Variants in RBM28 observed in about 807,000 individuals in gnomAD.
The protein encoded by RBM28 is RNA-binding protein 28.
RBM28 carries 78 observed loss-of-function variants against 98.3 expected under a neutral mutation model. The ratio of observed to expected loss-of-function variants is 0.79; its 90% CI spans 0.66 to 0.96. The LOEUF is 0.96. RBM28 is among the 40% of genes least tolerant of loss of function. RBM28 has a pLI of 0.00. For missense variants in RBM28, 838 were observed against 913.0 expected, an observed-to-expected ratio of 0.92 and a Z score of 1.06; for synonymous variants, 306 against 330.9, an observed-to-expected ratio of 0.92 and a Z score of 0.82.
chr7:128,328,625 G>A (rs1264268547), intron 10 of RBM28, among the ~76,000 whole-genome samples: 1 of 152,134 alleles, frequency 6.6e-6, no homozygotes, highest in Non-Finnish European at 1.5e-5. Flanking sequence ...CATTCTAAAA[G>A]TATTAACCCA....
rs1250624717 is a variant in RBM28 at position 128,302,764 on chromosome 7, A to G, written c.*8033T>C. 6.6e-6 allele frequency: 1 copy of G among 152,104 alleles called. No homozygotes were observed. Among genetic ancestry groups the G allele is most frequent in the Non-Finnish European group, 1.5e-5 (1 of 68,010 alleles). 9.4% of individuals were successfully genotyped at this position (152,104 alleles called of 1,614,324 possible). The stretch of plus-strand genomic sequence containing the variant: ...AAGAAGCTGGTCAAGTAAAGGGTTT[A>G]ATCCTTTTTTATTTTTATTATTTTT... On this transcript the variant is annotated 3_prime_UTR_variant, in exon 19 of 19. Transcript: ENST00000223073.
intron 18 of RBM28, 22 bp downstream of exon 18, chr7:128,313,153 C>T: frequency 6.2e-7 from 1 of 1,600,992 alleles, no homozygotes. Context: ...CATACCAAAG[C>T]TGTATGTCCT....
intron 15 of RBM28, 55 bp downstream of exon 15, chr7:128,317,902 T>C: frequency 6.2e-7 from 1 of 1,601,792 alleles, no homozygotes; most frequent in Non-Finnish European, 8.6e-7. Flanking sequence ...AGGAGAAGGC[T>C]GGTTTCCTGC....
At chr7:128,333,242 G>C in intron 9 of RBM28, 48 bp downstream of exon 9, 1 of 1,408,092 alleles carries the variant, frequency 7.1e-7, no homozygotes, top group Non-Finnish European at 1.0e-6. Flanking sequence ...AAGGAAGAGA[G>C]ATCTATGAAG....
At position 128,300,555 on chromosome 7, in the gene RBM28, A is replaced by G. The variant is rs1468080717; in HGVS notation, c.*10242T>C. 6.6e-6 allele frequency: 1 copy of G among 152,242 alleles called. No individual in the cohort carries two copies. Among genetic ancestry groups the G allele is most frequent in the Non-Finnish European group, 1.5e-5 (1 of 68,060 alleles). The allele number at this position is 152,242 out of a possible 1,614,324, so 9.4% of individuals were successfully genotyped here. On this transcript the variant is annotated 3_prime_UTR_variant, in exon 19 of 19. Transcript: ENST00000223073. ...CTGATCCTTCAATGAGCATGCTAAC[A>G]TCATCCAACCCCTGACCTTGTGGTG...
rs1439006643 is a variant in RBM28 at position 128,330,767 on chromosome 7, C to T, written c.1129+52G>A. On this transcript the variant is annotated intron_variant, in intron 10 of 18. Coordinates refer to ENST00000223073, the MANE Select transcript of RBM28 (RefSeq NM_018077.3). ...TATGCTCTCGTAACCTAGTCAGTGC[C>T]CACGGCAGTGGTCTCAACCCTTTTA... 3 of 1,267,020 alleles carry T rather than the reference C, an allele frequency of 2.4e-6. 1 individual carries two copies. In the South Asian group the frequency reaches 3.6e-5, roughly 15 times the overall value. The allele number at this position is 1,267,020 out of a possible 1,614,324, so 78.5% of individuals were successfully genotyped here.
At chr7:128,340,318 T>C (rs1031219208) in intron 1 of RBM28, among the ~76,000 whole-genome samples, 7 of 152,148 alleles carry the variant, frequency 4.6e-5, no homozygotes, top group African/African-American at 9.7e-5. Context: ...AATGGGTTAA[T>C]AGATTAATGG....
intron 13 of RBM28, among the ~76,000 whole-genome samples, chr7:128,322,642 T>C (rs769270851): frequency 2.0e-5 from 3 of 152,206 alleles, no homozygotes; most frequent in Non-Finnish European, 4.4e-5. Context: ...CTAACAAAAT[T>C]AGTTTTAAAT....
chr7:128,324,299 C>T (rs79479338), intron 12 of RBM28, among the ~76,000 whole-genome samples: 3,715 of 152,242 alleles, frequency 0.024, 134 homozygotes, highest in African/African-American at 0.085. Flanking sequence ...TCTTCCTCCC[C>T]CTTTGCCTTG....
chr7:128,325,885 G>A lies in RBM28; in HGVS notation c.1136C>T (p.Ala379Val). 1 of 1,612,972 alleles carries A rather than the reference G, an allele frequency of 6.2e-7. No homozygotes were observed. The highest frequency in any genetic ancestry group is 8.5e-7 in the Non-Finnish European group (1 of 1,179,210). The change falls in exon 11 of 19, where the codon GCA becomes GTA. Residue 379 changes from alanine to valine, a missense_variant. By Grantham distance (64) the Ala-to-Val change is moderately conservative. Transcript: ENST00000223073. ...TTCTTGAGTCATGAACTGGGCAAATGCACAACCTGCACAAGGAGACACAAT... is the reference window on the plus strand; with the variant it reads ...TTCTTGAGTCATGAACTGGGCAAATACACAACCTGCACAAGGAGACACAAT... Reference protein sequence around the residue: ...HPDTEHSKGCAFAQFMTQEAA... With the variant: ...HPDTEHSKGCVFAQFMTQEAA...
At chr7:128,330,767 C>A (rs1439006643) in intron 10 of RBM28, 52 bp downstream of exon 10, 9 of 1,267,020 alleles carry the variant, frequency 7.1e-6, no homozygotes, top group African/African-American at 2.9e-5. Context: ...TAGTCAGTGC[C>A]CACGGCAGTG....
chr7:128,331,686 C>T (rs1796483667), intron 9 of RBM28, among the ~76,000 whole-genome samples: 2 of 151,614 alleles, frequency 1.3e-5, no homozygotes, highest in South Asian at 4.2e-4. Flanking sequence ...CAAAAAAAGA[C>T]AACTACTTAC....
At position 128,303,948 on chromosome 7, in the gene RBM28, T is replaced by C. The variant is rs7794771; in HGVS notation, c.*6849A>G. Reference sequence around the variant, plus strand: ...GAACAGAATAGTTTCGAGGGAAGGATAAGAAAGAGAGTCGGGAAGGCTGGG... The same window carrying C: ...GAACAGAATAGTTTCGAGGGAAGGACAAGAAAGAGAGTCGGGAAGGCTGGG... On this transcript the variant is annotated 3_prime_UTR_variant, in exon 19 of 19. Transcript: ENST00000223073. 0.25 allele frequency: 37,673 copies of C among 151,934 alleles called. 4,989 individuals carry two copies. Among genetic ancestry groups the C allele is most frequent in the Middle Eastern group, 0.38 (111 of 294 alleles). The allele number at this position is 151,934 out of a possible 1,614,324, so 9.4% of individuals were successfully genotyped here.
At chr7:128,323,452 T>A (rs1796279426) in intron 13 of RBM28, 75 bp downstream of exon 13, 1 of 1,547,072 alleles carries the variant, frequency 6.5e-7, no homozygotes. Flanking sequence ...GATGAGCACA[T>A]CTAGCATTCG....
rs778379330 is a variant in RBM28 at position 128,310,669 on chromosome 7, T to C, written c.*128A>G. On this transcript the variant is annotated 3_prime_UTR_variant, in exon 19 of 19. Transcript: ENST00000223073. ...TCAGATGTACACAGTCCAGGGCACC[T>C]CCGAGCACAGTGGCAGTGCCCTTGG... 7.9e-7 allele frequency: 1 copy of C among 1,263,790 alleles called. No homozygotes were observed. The highest frequency in any genetic ancestry group is 1.1e-6 in the Non-Finnish European group (1 of 874,118). 78.3% of individuals were successfully genotyped at this position (1,263,790 alleles called of 1,614,324 possible). A position where few individuals can be genotyped will look rare whatever the true frequency, so the allele number is the denominator to read the frequency against.
At chr7:128,337,051 A>G (rs1292561157) in intron 6 of RBM28, 80 bp downstream of exon 6, 1 of 1,457,314 alleles carries the variant, frequency 6.9e-7, no homozygotes, top group African/African-American at 1.4e-5. Flanking sequence ...TTACACTTTT[A>G]TCATGAACAC....
intron 10 of RBM28, among the ~76,000 whole-genome samples, chr7:128,329,864 G>A (rs1453222302): frequency 7.0e-6 from 1 of 141,914 alleles, no homozygotes; most frequent in African/African-American, 2.7e-5. Flanking sequence ...ACTCCAGCCT[G>A]GGCAACAGAG....
chr7:128,325,281 A>C (rs1459590798), intron 11 of RBM28, among the ~76,000 whole-genome samples: 1 of 152,250 alleles, frequency 6.6e-6, no homozygotes, highest in Non-Finnish European at 1.5e-5. Context: ...GATTAGTCCC[A>C]AAGTAGACCC....
At chr7:128,318,559 T>C (rs1381800552) in intron 14 of RBM28, among the ~76,000 whole-genome samples, 3 of 152,094 alleles carry the variant, frequency 2.0e-5, no homozygotes, top group African/African-American at 4.8e-5. Flanking sequence ...ATAACACTTA[T>C]GTGTGTCCAT....
Sources: allele counts gnomAD v4.1 joint callset (sites outside exome capture counted in the v4.1 genomes callset), GRCh38; gene constraint gnomAD v4.1.1; transcripts MANE v1.5; gene names NCBI Gene and HGNC (gene_info 2026-07-23, HGNC 2026-07-21).